Variants in RCN3 observed in about 807,000 individuals in gnomAD.
RCN3 encodes reticulocalbin 3, also known as reticulocalbin-3.
Under a neutral mutation model 35.9 loss-of-function variants are expected in RCN3, and 41 were observed. The observed-to-expected ratio is 1.14, with a 90% CI of 0.89 to 1.48. The LOEUF (loss-of-function observed/expected upper bound fraction) is 1.48, where lower values mean the gene tolerates loss of function less well. Among genes scored for constraint, RCN3 ranks in the 40% most tolerant of loss-of-function variants. RCN3 has a pLI of 0.00. For synonymous variants in RCN3, 187 were observed against 193.4 expected (o/e 0.97, Z 0.27); for missense variants, 451 against 471.3 (o/e 0.96, Z 0.40).
At chr19:49,541,016 C>T (rs1219767628) in intron 5 of RCN3, among the ~76,000 whole-genome samples, 3 of 151,820 alleles carry the variant, frequency 2.0e-5, no homozygotes, top group Non-Finnish European at 2.9e-5. Context: ...CTGCAACCTC[C>T]GCCTCCCAGG....
At chr19:49,532,307 A>G (rs1268015654) in intron 2 of RCN3, among the ~76,000 whole-genome samples, 15 of 145,096 alleles carry the variant, frequency 1.0e-4, no homozygotes, top group East Asian at 8.3e-4. Context: ...GGGTTTCACC[A>G]TGTTAGCCAG....
chr19:49,529,409 G>A (rs1368088282), intron 2 of RCN3, among the ~76,000 whole-genome samples: 2 of 152,194 alleles, frequency 1.3e-5, no homozygotes, highest in Non-Finnish European at 2.9e-5. Context: ...GGTGAGCTGG[G>A]TGGAATGGAG....
At chr19:49,529,413 A>C (rs1441104217) in intron 2 of RCN3, among the ~76,000 whole-genome samples, 1 of 152,110 alleles carries the variant, frequency 6.6e-6, no homozygotes, top group African/African-American at 2.4e-5. Context: ...AGCTGGGTGG[A>C]ATGGAGCCCT....
chr19:49,530,414 G>A lies in RCN3; in HGVS notation c.242+1700G>A, dbSNP rs527286906. On this transcript the variant is annotated intron_variant, in intron 2 of 6. Transcript: ENST00000270645. ...TCGAGCTCCTGAGCTCAGGCAATCC[G>A]CCCGCCTTGGCCTCCCAAAGTGCTG... 2.7e-5 allele frequency among the ~76,000 whole-genome samples: 4 copies of A among 149,358 alleles called. No individual in the cohort carries two copies. The South Asian group carries it at 6.3e-4, about 24-fold the overall frequency.
chr19:49,539,222 C>T, intron 5 of RCN3, 43 bp downstream of exon 5: 1 of 1,516,574 alleles, frequency 6.6e-7, no homozygotes, highest in Non-Finnish European at 9.1e-7. Flanking sequence ...TGTCCTCTCT[C>T]AGGCATGGGC....
intron 1 of RCN3, 63 bp from the exon 2 acceptor site, chr19:49,528,404 C>G: frequency 2.1e-6 from 3 of 1,419,718 alleles, no homozygotes; most frequent in Non-Finnish European, 2.8e-6. Flanking sequence ...CCCCGCCATT[C>G]TCCTATCCCG....
intron 5 of RCN3, among the ~76,000 whole-genome samples, chr19:49,540,181 CTCTT>C (rs755626437): frequency 2.8e-4 from 43 of 151,744 alleles, no homozygotes; most frequent in Non-Finnish European, 5.3e-4. Context: ...GTGTGTCTCT[CTCTT>C]TATTAAATAG....
intron 4 of RCN3, among the ~76,000 whole-genome samples, chr19:49,537,984 C>T (rs2080144690): frequency 6.7e-6 from 1 of 149,060 alleles, no homozygotes; most frequent in Admixed American, 6.7e-5. Context: ...TTTTTCTTTC[C>T]TTCCTCTTTT....
intron 6 of RCN3, 85 bp from the exon 7 acceptor site, chr19:49,543,021 G>A (rs888656827): frequency 6.1e-6 from 7 of 1,151,772 alleles, no homozygotes; most frequent in Non-Finnish European, 1.3e-6. Context: ...AAGGGTCCCA[G>A]AGACTTCGGG....
At position 49,542,722 on chromosome 19, in the gene RCN3, C is replaced by A. The variant is rs146159696; in HGVS notation, c.849C>A (p.Asn283Lys). The A allele has an allele frequency of 0.015, 23,162 of 1,593,422 alleles. 245 individuals are homozygous for A. The highest frequency in any genetic ancestry group is 0.015 in the Non-Finnish European group (17,847 of 1,171,524). The change falls in exon 6 of 7, where the codon AAC becomes AAA. Residue 283 changes from asparagine to lysine, a missense_variant. Transcript: ENST00000270645. ...AGGACCAGCCCCTGGTGGAAGCCAA[C>A]CACCTGCTGCACGAGAGCGACACGG... ...PAQDQPLVEA[N>K]HLLHESDTDK...
chr19:49,532,266 C>A (rs1169035534), intron 2 of RCN3, among the ~76,000 whole-genome samples: 3 of 146,460 alleles, frequency 2.0e-5, no homozygotes, highest in African/African-American at 7.7e-5. Context: ...CCACCACGCC[C>A]GGCTAATTTT....
chr19:49,533,843 C>T (rs2080120748), intron 2 of RCN3, among the ~76,000 whole-genome samples: 1 of 152,174 alleles, frequency 6.6e-6, no homozygotes, highest in South Asian at 2.1e-4. Context: ...TCCCCTTCAC[C>T]ACCCCAGCTC....
At chr19:49,537,436 C>T (rs1204278557) in intron 4 of RCN3, among the ~76,000 whole-genome samples, 1 of 152,176 alleles carries the variant, frequency 6.6e-6, no homozygotes, top group Admixed American at 6.5e-5. Flanking sequence ...CCTCCCTGTG[C>T]TCGCATTTGG....
intron 2 of RCN3, 58 bp from the exon 3 acceptor site, chr19:49,534,135 G>A: frequency 7.1e-7 from 1 of 1,416,954 alleles, no homozygotes; most frequent in Non-Finnish European, 9.2e-7. Flanking sequence ...TGGCCCGTGC[G>A]AGGGGCGGGG....
chr19:49,542,641 C>A lies in RCN3; in HGVS notation c.768C>A (p.Asn256Lys). The change falls in exon 6 of 7, where the codon AAC (asparagine) becomes AAA (lysine). Residue 256 changes from asparagine (N) to lysine (K), a missense_variant. Physicochemically the swap from Asn to Lys is moderately conservative, Grantham distance 94. Transcript: ENST00000270645. The stretch of plus-strand genomic sequence containing the variant: ...AGTTCCGGGACTTCCGGGATCTGAA[C>A]AAGGATGGGCACCTGGATGGGAGTG... ...RQQFRDFRDL[N>K]KDGHLDGSEV... The A allele has an allele frequency of 1.2e-6, 2 of 1,605,670 alleles. No individual in the cohort carries two copies. Among genetic ancestry groups the A allele is most frequent in the South Asian group, 2.2e-5 (2 of 89,164 alleles).
rs115181219 is a variant in RCN3, at chr19:49,539,658, C to A, written c.679+479C>A. Among the ~76,000 whole-genome samples the A allele has an allele frequency of 4.2e-3, 634 of 152,102 alleles. 9 individuals carry two copies. The highest frequency in any genetic ancestry group is 0.017 in the Middle Eastern group (5 of 292). Reference sequence around the variant, plus strand: ...TGAGTTCTGAGTTCTCCCTGGGCCCCTGCCACTGTCCCTGCCCCTAGCGGG... The same window carrying A: ...TGAGTTCTGAGTTCTCCCTGGGCCCATGCCACTGTCCCTGCCCCTAGCGGG... On this transcript the variant is annotated intron_variant, in intron 5 of 6. Transcript: ENST00000270645.
intron 3 of RCN3, 83 bp downstream of exon 3, chr19:49,534,478 C>T: frequency 3.5e-6 from 5 of 1,426,910 alleles, no homozygotes; most frequent in Non-Finnish European, 4.7e-6. Context: ...ACCCTGAACC[C>T]ATTTACCCGG....
intron 2 of RCN3, among the ~76,000 whole-genome samples, chr19:49,533,412 G>T (rs909443548): frequency 6.6e-6 from 1 of 152,188 alleles, no homozygotes. Flanking sequence ...GGAGAGGACC[G>T]GCCTGGCAAG....
chr19:49,543,313 A>C lies in RCN3; in HGVS notation c.*100A>C. On this transcript the variant is annotated 3_prime_UTR_variant, in exon 7 of 7. Transcript: ENST00000270645. The stretch of plus-strand genomic sequence containing the variant: ...CCTGTCCAGGCCCCGCAGGAGGCAG[A>C]TGCAGTCCCAGGCATCCTCCTGCCC... 2.1e-6 allele frequency: 2 copies of C among 965,466 alleles called. No individual in the cohort carries two copies. The highest frequency in any genetic ancestry group is 2.8e-5 in the South Asian group (2 of 71,512). 59.8% of individuals were successfully genotyped at this position (965,466 alleles called of 1,614,324 possible). A position where few individuals can be genotyped will look rare whatever the true frequency, so the allele number is the denominator to read the frequency against.
Sources: gnomAD v4.1 joint callset for allele counts (sites outside exome capture counted in the v4.1 genomes callset) on GRCh38, gnomAD v4.1.1 for gene constraint, MANE v1.5 for transcripts, NCBI Gene and HGNC (gene_info 2026-07-23, HGNC 2026-07-21) for gene names.